The following TMEM132B variants were observed in gnomAD, a reference collection of about 807,000 sequenced individuals.
TMEM132B encodes the protein transmembrane protein 132B.
A neutral mutation model predicts 90.8 loss-of-function variants in TMEM132B; 18 were observed. That is an observed-to-expected ratio of 0.20 (90% CI 0.14 to 0.29). TMEM132B has a LOEUF of 0.29. TMEM132B is among the 10% of genes least tolerant of loss of function. TMEM132B has a pLI of 1.00. For missense variants in TMEM132B, 1,096 were observed against 1,326.8 expected (o/e 0.83, Z 2.70); for synonymous variants, 504 against 523.3 (o/e 0.96, Z 0.50).
intron 3 of TMEM132B, among the ~76,000 whole-genome samples, chr12:125,465,374 G>A (rs1358490776): frequency 6.6e-6 from 1 of 152,168 alleles, no homozygotes; most frequent in African/African-American, 2.4e-5. Flanking sequence ...TTGATAAGGA[G>A]AACAAGACAG....
At chr12:125,402,403 C>T (rs1879346229) in intron 2 of TMEM132B, among the ~76,000 whole-genome samples, 1 of 152,180 alleles carries the variant, frequency 6.6e-6, no homozygotes, top group Admixed American at 6.5e-5. Flanking sequence ...TCCTGAACTC[C>T]TCACCTCAGG....
chr12:125,304,076 G>A (rs1593076674), intron 1 of TMEM132B, among the ~76,000 whole-genome samples: 1 of 152,206 alleles, frequency 6.6e-6, no homozygotes, highest in Non-Finnish European at 1.5e-5. Context: ...CTCAAATCAG[G>A]CATTAGTTAG....
At chr12:125,385,485 T>G (rs1325754774) in intron 2 of TMEM132B, among the ~76,000 whole-genome samples, 2 of 152,334 alleles carry the variant, frequency 1.3e-5, no homozygotes, top group East Asian at 3.9e-4. Flanking sequence ...AGGCGATCAA[T>G]GCACCTTGGA....
intron 5 of TMEM132B, among the ~76,000 whole-genome samples, chr12:125,599,710 G>A (rs1358827920): frequency 6.6e-6 from 1 of 152,146 alleles, no homozygotes; most frequent in Admixed American, 6.5e-5. Flanking sequence ...GTTCGAATGT[G>A]TTCTCAAACT....
At chr12:125,289,350 C>T (rs537243356) in intron 1 of TMEM132B, among the ~76,000 whole-genome samples, 2 of 152,316 alleles carry the variant, frequency 1.3e-5, no homozygotes, top group African/African-American at 4.8e-5. Flanking sequence ...CTGGTGCTTT[C>T]CTTGTGTTAA....
intron 1 of TMEM132B, among the ~76,000 whole-genome samples, chr12:125,204,997 A>G (rs1405521510): frequency 5.7e-5 from 5 of 87,144 alleles, no homozygotes; most frequent in East Asian, 3.9e-4. Flanking sequence ...TTAGCTCTTT[A>G]TGTGGAGTAT....
At chr12:125,395,074 T>G (rs1276109509) in intron 2 of TMEM132B, among the ~76,000 whole-genome samples, 1 of 152,132 alleles carries the variant, frequency 6.6e-6, no homozygotes, top group Admixed American at 6.5e-5. Flanking sequence ...AATAAAGCTG[T>G]GAAAATGGAT....
chr12:125,242,837 A>T (rs1394797936), intron 1 of TMEM132B, among the ~76,000 whole-genome samples: 1 of 151,980 alleles, frequency 6.6e-6, no homozygotes, highest in Non-Finnish European at 1.5e-5. Context: ...TTCTTTTTTT[A>T]AATTATGTTA....
intron 1 of TMEM132B, among the ~76,000 whole-genome samples, chr12:125,278,570 A>G (rs1333746091): frequency 6.6e-6 from 1 of 151,810 alleles, no homozygotes; most frequent in East Asian, 1.9e-4. Flanking sequence ...GTTTATATAA[A>G]CTAGTGAGGG....
chr12:125,206,138 G>C (rs1026551741), intron 1 of TMEM132B, among the ~76,000 whole-genome samples: 2 of 152,054 alleles, frequency 1.3e-5, no homozygotes, highest in Non-Finnish European at 2.9e-5. Flanking sequence ...AGCTTTTTTC[G>C]CTTAGTTTTT....
intron 4 of TMEM132B, among the ~76,000 whole-genome samples, chr12:125,520,576 G>A (rs1883283277): frequency 6.6e-6 from 1 of 152,112 alleles, no homozygotes; most frequent in South Asian, 2.1e-4. Flanking sequence ...CCACGTCTGG[G>A]TCCTTTTCCC....
chr12:125,223,687 CAT>C (rs1337161621), intron 1 of TMEM132B, among the ~76,000 whole-genome samples: 1 of 152,196 alleles, frequency 6.6e-6, no homozygotes, highest in Non-Finnish European at 1.5e-5. Flanking sequence ...CCTCGCCAGC[CAT>C]TAATCTACTT....
chr12:125,417,110 A>C (rs1299717700), intron 3 of TMEM132B, among the ~76,000 whole-genome samples: 1 of 152,084 alleles, frequency 6.6e-6, no homozygotes, highest in Non-Finnish European at 1.5e-5. Flanking sequence ...CAGTATACCC[A>C]GTGCCCTGAT....
chr12:125,633,750 T>C (rs1886418096), intron 5 of TMEM132B, among the ~76,000 whole-genome samples: 1 of 152,240 alleles, frequency 6.6e-6, no homozygotes, highest in South Asian at 2.1e-4. Context: ...TCTTATTCTC[T>C]TCCCTTACTT....
intron 3 of TMEM132B, among the ~76,000 whole-genome samples, chr12:125,431,229 G>A (rs1442622950): frequency 2.0e-5 from 3 of 152,100 alleles, no homozygotes; most frequent in Non-Finnish European, 2.9e-5. Context: ...TGGGAGCCCA[G>A]GTGAGGGCTA....
intron 4 of TMEM132B, among the ~76,000 whole-genome samples, chr12:125,521,448 A>G (rs1883304877): frequency 6.6e-6 from 1 of 152,196 alleles, no homozygotes; most frequent in Admixed American, 6.6e-5. Context: ...TGGGCTCACT[A>G]TTTTCAGAGT....
intron 1 of TMEM132B, among the ~76,000 whole-genome samples, chr12:125,314,309 C>T (rs1240013378): frequency 1.3e-5 from 2 of 152,204 alleles, no homozygotes; most frequent in South Asian, 2.1e-4. Context: ...AGATCAGCAG[C>T]GATGGCTCCT....
intron 3 of TMEM132B, among the ~76,000 whole-genome samples, chr12:125,456,537 C>G (rs35199356): frequency 0.3 from 46,128 of 152,140 alleles, 7,217 homozygotes; most frequent in East Asian, 0.52. Context: ...CTCTGTGGGG[C>G]TTTGCCTGCT....
chr12:125,551,805 C>G (rs1011397001), intron 4 of TMEM132B, among the ~76,000 whole-genome samples: 1 of 152,232 alleles, frequency 6.6e-6, no homozygotes, highest in Middle Eastern at 3.4e-3. Flanking sequence ...AGCTGGGGAA[C>G]TTCTGTGCCA....
Sources: gnomAD v4.1 joint callset for allele counts (sites outside exome capture counted in the v4.1 genomes callset) on GRCh38, gnomAD v4.1.1 for gene constraint, MANE v1.5 for transcripts, NCBI Gene and HGNC (gene_info 2026-07-23, HGNC 2026-07-21) for gene names.